The following GPHN variants were observed in gnomAD, a reference collection of about 807,000 sequenced individuals.
GPHN encodes the protein gephyrin.
Under a neutral mutation model 95.5 loss-of-function variants are expected in GPHN, and 17 were observed. The ratio of observed to expected loss-of-function variants is 0.18; its 90% CI spans 0.12 to 0.27. GPHN has a LOEUF of 0.27. GPHN is among the 10% of genes least tolerant of loss of function. The pLI, the probability that GPHN is intolerant of heterozygous loss-of-function variation, is 1.00. For missense variants in GPHN, 660 were observed against 978.1 expected, an observed-to-expected ratio of 0.67 and a Z score of 4.34; for synonymous variants, 320 against 322.5, an observed-to-expected ratio of 0.99 and a Z score of 0.08.
chr14:67,199,773 CT>C, the GPHN span: 5 of 1,527,944 alleles, frequency 3.3e-6, no homozygotes, highest in Non-Finnish European at 4.5e-6. Flanking sequence ...CCAGGCATGC[CT>C]CCTCCTGGCT....
At chr14:67,060,625 T>C (rs1023079576) in intron 11 of GPHN, among the ~76,000 whole-genome samples, 1 of 152,216 alleles carries the variant, frequency 6.6e-6, no homozygotes, top group African/African-American at 2.4e-5. Context: ...ATAAAACTCC[T>C]GCCCCATGGA....
chr14:67,260,422 A>G, the GPHN span, among the ~76,000 whole-genome samples: 836 of 152,334 alleles, frequency 5.5e-3, 7 homozygotes, highest in Admixed American at 9.6e-3. Flanking sequence ...ATAGCACAAT[A>G]TATTTTATAT....
chr14:67,602,222 T>C, the GPHN span, among the ~76,000 whole-genome samples: 4 of 152,138 alleles, frequency 2.6e-5, no homozygotes, highest in Non-Finnish European at 4.4e-5. Context: ...CAGGCATGTC[T>C]TACATGGCAG....
intron 1 of GPHN, among the ~76,000 whole-genome samples, chr14:66,658,367 C>G (rs1334318931): frequency 6.6e-6 from 1 of 152,096 alleles, no homozygotes; most frequent in Non-Finnish European, 1.5e-5. Flanking sequence ...ATGACATAAA[C>G]TTACTTGATA....
chr14:67,651,192 A>C, the GPHN span: 1 of 1,115,416 alleles, frequency 9.0e-7, no homozygotes, highest in Non-Finnish European at 1.2e-6. Flanking sequence ...GGTATATCAT[A>C]CTGGTCTTGT....
At chr14:66,910,555 G>A (rs2065622071) in intron 5 of GPHN, among the ~76,000 whole-genome samples, 1 of 151,794 alleles carries the variant, frequency 6.6e-6, no homozygotes, top group Non-Finnish European at 1.5e-5. Context: ...ATTTACCCTA[G>A]AACATTAGCT....
At chr14:67,616,055 G>C in the GPHN span, 1 of 297,504 alleles carries the variant, frequency 3.4e-6, no homozygotes, top group Non-Finnish European at 6.7e-6. Context: ...AAGAGGGAGA[G>C]AATGAGGAGG....
At chr14:66,943,571 C>T (rs2067552144) in intron 8 of GPHN, among the ~76,000 whole-genome samples, 1 of 152,204 alleles carries the variant, frequency 6.6e-6, no homozygotes, top group Non-Finnish European at 1.5e-5. Context: ...ATTTTAATGA[C>T]ATCTGCTTTT....
intron 2 of GPHN, among the ~76,000 whole-genome samples, chr14:66,756,365 A>G (rs17247749): frequency 0.31 from 47,291 of 151,880 alleles, 11,198 homozygotes; most frequent in African/African-American, 0.64. Context: ...TATTGCTGTC[A>G]TTCCTCCATA....
chr14:66,749,924 C>T (rs2058305704), intron 2 of GPHN, among the ~76,000 whole-genome samples: 3 of 151,528 alleles, frequency 2.0e-5, no homozygotes, highest in South Asian at 2.1e-4. Context: ...GCATACAATG[C>T]GTAATTGTCA....
At chr14:67,590,270 T>C in the GPHN span, 11 of 789,084 alleles carry the variant, frequency 1.4e-5, no homozygotes, top group Non-Finnish European at 1.8e-5. Flanking sequence ...TTTTTTTTTT[T>C]GAGACAGAGT....
the GPHN span, among the ~76,000 whole-genome samples, chr14:67,401,003 A>AATT: frequency 6.6e-6 from 1 of 151,816 alleles, no homozygotes; most frequent in African/African-American, 2.4e-5. Context: ...AAATAATAAT[A>AATT]ATAATAATAA....
intron 1 of GPHN, among the ~76,000 whole-genome samples, chr14:66,519,399 C>G (rs1183588471): frequency 2.6e-5 from 4 of 151,964 alleles, no homozygotes; most frequent in Non-Finnish European, 5.9e-5. Context: ...TCAGAGCTTG[C>G]AAATTGATGG....
At chr14:66,779,933 G>GT (rs1246826262) in intron 3 of GPHN, among the ~76,000 whole-genome samples, 1 of 152,116 alleles carries the variant, frequency 6.6e-6, no homozygotes, top group Non-Finnish European at 1.5e-5. Flanking sequence ...TAGATGGAAG[G>GT]AGACCAGGTT....
chr14:66,962,765 C>G (rs375914415), intron 8 of GPHN, among the ~76,000 whole-genome samples: 1 of 151,424 alleles, frequency 6.6e-6, no homozygotes, highest in African/African-American at 2.4e-5. Context: ...TTTAATCTTG[C>G]AACTTTCTTC....
chr14:67,599,392 C>G, the GPHN span, among the ~76,000 whole-genome samples: 2 of 152,092 alleles, frequency 1.3e-5, no homozygotes, highest in Non-Finnish European at 2.9e-5. Flanking sequence ...TCAGAGAAAA[C>G]AGGAATGAAT....
At chr14:67,440,222 G>A in the GPHN span, among the ~76,000 whole-genome samples, 1 of 152,140 alleles carries the variant, frequency 6.6e-6, no homozygotes, top group East Asian at 1.9e-4. Context: ...AAAATAAATG[G>A]CAGGAAGTCT....
At chr14:67,374,782 T>C in the GPHN span, 19 of 339,190 alleles carry the variant, frequency 5.6e-5, no homozygotes, top group Admixed American at 1.4e-4. Flanking sequence ...TTTGTTTGTT[T>C]AAATAGAAAT....
In GPHN at chr14:66,908,020, TTA is replaced by T. The variant is rs113485236; in HGVS notation, c.390-7969_390-7968del. Among the ~76,000 whole-genome samples, 227 of 150,444 alleles carry T rather than the reference TTA, an allele frequency of 1.5e-3. 1 individual carries two copies. The highest frequency in any genetic ancestry group is 2.3e-3 in the Non-Finnish European group (157 of 67,416). ...ATGGTTACATACAGAAATATTTGTT[TTA>T]TATATATATATATGCACACACAGGT... On this transcript the variant is annotated intron_variant, in intron 5 of 22. Transcript: ENST00000478722.
Sources: gnomAD v4.1 joint callset for allele counts (sites outside exome capture counted in the v4.1 genomes callset) on GRCh38, gnomAD v4.1.1 for gene constraint, MANE v1.5 for transcripts, NCBI Gene and HGNC (gene_info 2026-07-23, HGNC 2026-07-21) for gene names.